Variants in TTC6 observed in about 807,000 individuals in gnomAD.
The protein encoded by TTC6 is tetratricopeptide repeat protein 6.
TTC6 carries 172 observed loss-of-function variants against 210.4 expected under a neutral mutation model. That is an observed-to-expected ratio of 0.82 (90% CI 0.72 to 0.93). The LOEUF is 0.93. TTC6 is among the 40% of genes least tolerant of loss of function. The pLI is 0.00. For synonymous variants in TTC6, 804 were observed against 819.6 expected (o/e 0.98, Z 0.32); for missense variants, 2,414 against 2,318.1 (o/e 1.04, Z -0.85).
Position 37,598,364 on chromosome 14 carries a change from C to T in TTC6, c.-235+2356C>T, listed in dbSNP as rs900757935. Among the ~76,000 whole-genome samples the T allele has an allele frequency of 1.3e-5, 2 of 152,152 alleles. No individual in the cohort carries two copies. The highest frequency in any genetic ancestry group is 2.9e-5 in the Non-Finnish European group (2 of 68,026). On this transcript the variant is annotated intron_variant, in intron 1 of 2. Coordinates refer to the TTC6 transcript ENST00000556845. The surrounding 1 kb of genome is among the most constrained non-coding windows in gnomAD (Gnocchi z 4.9). ...CGGTCCAGGTCGCGGGGAGGGCGGGCTCCTCAAGTGGGGGATCCGCGGCAG... is the reference window on the plus strand; with the variant it reads ...CGGTCCAGGTCGCGGGGAGGGCGGGTTCCTCAAGTGGGGGATCCGCGGCAG...
intron 15 of TTC6, among the ~76,000 whole-genome samples, chr14:37,787,880 T>C (rs1184532203): frequency 1.2e-5 from 1 of 85,570 alleles, no homozygotes; most frequent in African/African-American, 5.2e-5. Context: ...CCTTTATGTG[T>C]GTGTGTGTCT....
intron 14 of TTC6, among the ~76,000 whole-genome samples, chr14:37,780,062 GAATT>G (rs1211041377): frequency 6.6e-6 from 1 of 151,920 alleles, no homozygotes; most frequent in African/African-American, 2.4e-5. Flanking sequence ...ATGAATGAAT[GAATT>G]AATTAATGGC....
At chr14:37,826,372 A>T (rs372637534) in intron 28 of TTC6, 25 bp downstream of exon 30, 1 of 1,561,432 alleles carries the variant, frequency 6.4e-7, no homozygotes, top group Admixed American at 2.0e-5. Context: ...AGATTATATT[A>T]TTATTAGCAT....
At chr14:37,778,517 C>T (rs776265483) in intron 14 of TTC6, among the ~76,000 whole-genome samples, 15 of 152,080 alleles carry the variant, frequency 9.9e-5, no homozygotes, top group Non-Finnish European at 1.6e-4. Flanking sequence ...CATGCAATTG[C>T]GCATCATTGA....
intron 6 of TTC6, 59 bp downstream of exon 8, chr14:37,714,855 C>A: frequency 6.8e-7 from 1 of 1,461,980 alleles, no homozygotes; most frequent in South Asian, 1.3e-5. Flanking sequence ...AACTTTTTGG[C>A]TTCAGGAGAC....
At chr14:37,715,086 T>A (rs1015057572) in intron 6 of TTC6, among the ~76,000 whole-genome samples, 1 of 152,106 alleles carries the variant, frequency 6.6e-6, no homozygotes, top group South Asian at 2.1e-4. Context: ...AGGGAATCAC[T>A]TGAGCCCAGG....
At chr14:37,656,211 A>C (rs2095722586) in intron 1 of TTC6, among the ~76,000 whole-genome samples, 1 of 152,186 alleles carries the variant, frequency 6.6e-6, no homozygotes, top group African/African-American at 2.4e-5. Flanking sequence ...TTCTTTTGTG[A>C]ATGGCAAGTG....
At chr14:37,803,460 G>T (rs1390049530) in intron 20 of TTC6, among the ~76,000 whole-genome samples, 1 of 152,196 alleles carries the variant, frequency 6.6e-6, no homozygotes, top group South Asian at 2.1e-4. Flanking sequence ...ATGTCCCTCA[G>T]ATGACACCGT....
intron 6 of TTC6, among the ~76,000 whole-genome samples, chr14:37,723,530 CT>C (rs1170021825): frequency 1.3e-5 from 2 of 152,198 alleles, no homozygotes; most frequent in East Asian, 3.9e-4. Context: ...TTTTTTTCTA[CT>C]GCACTTCTAC....
intron 27 of TTC6, among the ~76,000 whole-genome samples, chr14:37,825,671 C>G (rs1595319951): frequency 6.6e-6 from 1 of 152,068 alleles, no homozygotes; most frequent in African/African-American, 2.4e-5. Context: ...CATGTATTTT[C>G]CATGGAATAC....
intron 10 of TTC6, among the ~76,000 whole-genome samples, chr14:37,746,213 C>T (rs566770948): frequency 2.0e-5 from 3 of 152,078 alleles, no homozygotes; most frequent in African/African-American, 4.8e-5. Context: ...TCTTGGCTCC[C>T]GTTCCCCCAC....
intron 6 of TTC6, chr14:37,720,487 AG>A (rs887336434): frequency 6.6e-6 from 1 of 151,588 alleles, no homozygotes; most frequent in Non-Finnish European, 1.5e-5. Context: ...CCATTGCCAG[AG>A]TAAACTGCAG....
intron 1 of TTC6, among the ~76,000 whole-genome samples, chr14:37,632,020 T>C (rs1340329606): frequency 6.6e-6 from 1 of 152,198 alleles, no homozygotes; most frequent in African/African-American, 2.4e-5. Context: ...TCCTCTAACC[T>C]TTTTTCAAGG....
At chr14:37,611,845 G>C (rs1463705731) in intron 2 of TTC6, among the ~76,000 whole-genome samples, 2 of 152,106 alleles carry the variant, frequency 1.3e-5, no homozygotes, top group Admixed American at 6.5e-5. Context: ...TTTCAGAATA[G>C]AGACCAGTTT....
At chr14:37,660,111 T>C (rs1372098659) in intron 1 of TTC6, among the ~76,000 whole-genome samples, 1 of 152,196 alleles carries the variant, frequency 6.6e-6, no homozygotes, top group East Asian at 1.9e-4. Context: ...TTTAATTAGA[T>C]CTTATTTGTC....
chr14:37,758,229 T>G (rs1323508253), intron 14 of TTC6, among the ~76,000 whole-genome samples: 3 of 152,202 alleles, frequency 2.0e-5, no homozygotes, highest in Admixed American at 6.5e-5. Flanking sequence ...AAGTCCTGAA[T>G]ATCCTTGTCA....
intron 17 of TTC6, among the ~76,000 whole-genome samples, chr14:37,794,617 A>G (rs2096088089): frequency 6.6e-6 from 1 of 150,884 alleles, no homozygotes; most frequent in East Asian, 1.9e-4. Flanking sequence ...TCATTTTTTT[A>G]TTTTGTTATA....
intron 1 of TTC6, among the ~76,000 whole-genome samples, chr14:37,651,576 T>C (rs990359036): frequency 6.6e-6 from 1 of 151,626 alleles, no homozygotes; most frequent in East Asian, 1.9e-4. Context: ...TACATTTTAA[T>C]GTATGAAAAT....
At position 37,842,303 on chromosome 14, in the gene TTC6, G is replaced by A. The variant is rs367958785; in HGVS notation, c.*12G>A. 17 of 1,587,886 alleles carry A rather than the reference G, an allele frequency of 1.1e-5. No homozygotes were observed. In the African/African-American group the frequency reaches 2.0e-4, roughly 19 times the overall value. ...CCTCAGTTATATGATTACATAGACT[G>A]TGGTTGCTATAGTAGTTTACACAGC... On this transcript the variant is annotated 3_prime_UTR_variant, in exon 31 of 31. Coordinates refer to ENST00000553443, the Ensembl canonical transcript of TTC6.
Sources: gnomAD v4.1 joint callset for allele counts (sites outside exome capture counted in the v4.1 genomes callset) on GRCh38, gnomAD v4.1.1 for gene constraint, Gnocchi (gnomAD v3.1) non-coding constraint, MANE v1.5 for transcripts, NCBI Gene and HGNC (gene_info 2026-07-23, HGNC 2026-07-21) for gene names.